The following PIBF1 variants were observed in gnomAD, a reference collection of about 807,000 sequenced individuals.
PIBF1 encodes the protein progesterone immunomodulatory binding factor 1.
PIBF1 carries 90 observed loss-of-function variants against 112.5 expected under a neutral mutation model. The ratio of observed to expected loss-of-function variants is 0.80; its 90% CI spans 0.67 to 0.95. The LOEUF is 0.95. PIBF1 is among the 40% of genes least tolerant of loss of function. The probability of loss-of-function intolerance (pLI) is 0.00; values close to 1 mark genes in which losing one functional copy is unlikely to be tolerated. For synonymous variants in PIBF1, 301 were observed against 288.6 expected, an observed-to-expected ratio of 1.04 and a Z score of -0.44; for missense variants, 915 against 852.3, an observed-to-expected ratio of 1.07 and a Z score of -0.92.
intron 10 of PIBF1, among the ~76,000 whole-genome samples, chr13:72,877,419 T>C (rs2039454957): frequency 6.6e-6 from 1 of 152,194 alleles, no homozygotes; most frequent in South Asian, 2.1e-4. Flanking sequence ...AAGTATTCCT[T>C]CTGCTTCTAG....
chr13:72,883,914 T>C (rs2039741949), intron 10 of PIBF1, among the ~76,000 whole-genome samples: 1 of 152,198 alleles, frequency 6.6e-6, no homozygotes, highest in South Asian at 2.1e-4. Flanking sequence ...ACCCCGTCTC[T>C]ATTAAATATA....
At chr13:72,916,481 C>G (rs897076078) in intron 12 of PIBF1, among the ~76,000 whole-genome samples, 2 of 150,908 alleles carry the variant, frequency 1.3e-5, no homozygotes, top group African/African-American at 4.9e-5. Context: ...AAGATGTTAA[C>G]CTGTTAGTTA....
In PIBF1 at chr13:72,791,637, A is replaced by T. The variant is rs1361869519; in HGVS notation, c.253-810A>T. Reference sequence around the variant, plus strand: ...TGAAGAATGTAAAACTAGGAAAATAATTTTTTTTTTTTTGAGACGGAGTCT... The same window carrying T: ...TGAAGAATGTAAAACTAGGAAAATATTTTTTTTTTTTTTGAGACGGAGTCT... On this transcript the variant is annotated intron_variant, in intron 2 of 17. Coordinates refer to ENST00000326291, the MANE Select transcript of PIBF1 (RefSeq NM_006346.4). Among the ~76,000 whole-genome samples the T allele has an allele frequency of 4.8e-5, 7 of 147,108 alleles. No homozygotes were observed. In the South Asian group the frequency reaches 8.6e-4, roughly 18 times the overall value.
chr13:72,965,432 A>T, intron 15 of PIBF1, 28 bp downstream of exon 15: 6 of 1,564,000 alleles, frequency 3.8e-6, no homozygotes, highest in Non-Finnish European at 5.2e-6. Flanking sequence ...CTTTTATTTG[A>T]ATAATAAAGA....
In PIBF1 at chr13:72,799,651, G is replaced by A. The variant is rs189140775; in HGVS notation, c.672+1625G>A. ...CCACTTTCTAATTTTGCAGCCTTGGGCAAATCATTTATACTCTATTGTTTC... is the reference window on the plus strand; with the variant it reads ...CCACTTTCTAATTTTGCAGCCTTGGACAAATCATTTATACTCTATTGTTTC... On this transcript the variant is annotated intron_variant, in intron 5 of 17. Coordinates refer to ENST00000326291, the MANE Select transcript of PIBF1 (RefSeq NM_006346.4). Among the ~76,000 whole-genome samples, 273 of 152,304 alleles carry A rather than the reference G, an allele frequency of 1.8e-3. 1 individual carries two copies. The highest frequency in any genetic ancestry group is 6.2e-3 in the African/African-American group (258 of 41,556).
intron 15 of PIBF1, among the ~76,000 whole-genome samples, chr13:72,970,341 G>A (rs1436650996): frequency 6.6e-6 from 1 of 152,122 alleles, no homozygotes; most frequent in Non-Finnish European, 1.5e-5. Flanking sequence ...GACACTCTGT[G>A]TAATACAGTT....
intron 9 of PIBF1, among the ~76,000 whole-genome samples, chr13:72,849,881 G>A (rs1455895162): frequency 6.6e-6 from 1 of 152,170 alleles, no homozygotes; most frequent in Admixed American, 6.5e-5. Context: ...TAAAATGGAG[G>A]TAATGATACA....
At chr13:72,806,200 C>T (rs1260537537) in intron 5 of PIBF1, among the ~76,000 whole-genome samples, 2 of 152,116 alleles carry the variant, frequency 1.3e-5, no homozygotes, top group Non-Finnish European at 2.9e-5. Flanking sequence ...CACTGATTCT[C>T]CCTCTCCCCT....
At chr13:72,876,907 C>G (rs1029062493) in intron 10 of PIBF1, among the ~76,000 whole-genome samples, 3 of 152,060 alleles carry the variant, frequency 2.0e-5, no homozygotes, top group Admixed American at 6.6e-5. Context: ...TATACTTTTT[C>G]TTTTCTTTTC....
intron 8 of PIBF1, among the ~76,000 whole-genome samples, chr13:72,828,587 C>T (rs2036941352): frequency 6.6e-6 from 1 of 152,106 alleles, no homozygotes; most frequent in Non-Finnish European, 1.5e-5. Flanking sequence ...TCATCCATGT[C>T]CCTGCAAAGG....
chr13:72,904,154 T>G (rs958061680), intron 11 of PIBF1, among the ~76,000 whole-genome samples: 5 of 152,040 alleles, frequency 3.3e-5, no homozygotes, highest in Admixed American at 1.3e-4. Flanking sequence ...CTCAAGCATT[T>G]TAATCTTCCA....
chr13:72,803,404 C>T (rs574573134), intron 5 of PIBF1, among the ~76,000 whole-genome samples: 1 of 152,058 alleles, frequency 6.6e-6, no homozygotes, highest in South Asian at 2.1e-4. Context: ...CTGTTGGATA[C>T]CCAGTTATAG....
chr13:72,964,837 C>T (rs1425963129), intron 14 of PIBF1, among the ~76,000 whole-genome samples: 1 of 152,034 alleles, frequency 6.6e-6, no homozygotes, highest in Non-Finnish European at 1.5e-5. Context: ...CTGAGGTGGG[C>T]GATCACCTGA....
intron 9 of PIBF1, among the ~76,000 whole-genome samples, chr13:72,847,276 A>G (rs974209677): frequency 4.6e-5 from 7 of 152,200 alleles, no homozygotes; most frequent in African/African-American, 1.4e-4. Flanking sequence ...TTGAGCACCA[A>G]TTGTCTTCAG....
At chr13:73,001,963 T>TTGTG (rs1262243436) in intron 17 of PIBF1, among the ~76,000 whole-genome samples, 2 of 152,084 alleles carry the variant, frequency 1.3e-5, no homozygotes, top group East Asian at 3.9e-4. Flanking sequence ...TACAAATGTT[T>TTGTG]TACAGTGTAC....
intron 10 of PIBF1, among the ~76,000 whole-genome samples, chr13:72,885,640 T>C (rs1006361975): frequency 6.6e-6 from 1 of 152,166 alleles, no homozygotes; most frequent in Non-Finnish European, 1.5e-5. Flanking sequence ...CAGTGTGTTG[T>C]TGTGAGCATT....
At chr13:72,851,053 T>C (rs2038124736) in intron 9 of PIBF1, among the ~76,000 whole-genome samples, 1 of 152,198 alleles carries the variant, frequency 6.6e-6, no homozygotes, top group Admixed American at 6.5e-5. Flanking sequence ...AATTTGTTGT[T>C]AATATTGATG....
At chr13:72,938,252 C>T (rs1594234546) in intron 14 of PIBF1, among the ~76,000 whole-genome samples, 1 of 151,910 alleles carries the variant, frequency 6.6e-6, no homozygotes, top group African/African-American at 2.4e-5. Context: ...GATTTAGTAG[C>T]TCATGGTATG....
At chr13:72,944,662 T>C (rs971010126) in intron 14 of PIBF1, among the ~76,000 whole-genome samples, 4 of 152,200 alleles carry the variant, frequency 2.6e-5, no homozygotes, top group African/African-American at 9.6e-5. Context: ...CATTGATGAA[T>C]AGTGTTTATA....
Sources: allele counts gnomAD v4.1 joint callset (sites outside exome capture counted in the v4.1 genomes callset), GRCh38; gene constraint gnomAD v4.1.1; transcripts MANE v1.5; gene names NCBI Gene and HGNC (gene_info 2026-07-23, HGNC 2026-07-21).